The following PCSK5 variants were observed in gnomAD, a reference collection of about 807,000 sequenced individuals.
PCSK5 encodes proprotein convertase subtilisin/kexin type 5.
Under a neutral mutation model 233.2 loss-of-function variants are expected in PCSK5, and 129 were observed. The ratio of observed to expected loss-of-function variants is 0.55; its 90% CI spans 0.48 to 0.64. The LOEUF is 0.64. Ranked by LOEUF, PCSK5 falls within the 30% of genes least tolerant of loss-of-function variation. PCSK5 has a pLI of 0.00. For synonymous variants in PCSK5, 825 were observed against 879.2 expected, an observed-to-expected ratio of 0.94 and a Z score of 1.09; for missense variants, 2,076 against 2,430.1, an observed-to-expected ratio of 0.85 and a Z score of 3.06.
chr9:76,212,022 C>T (rs530621435), intron 20 of PCSK5, among the ~76,000 whole-genome samples: 5 of 152,288 alleles, frequency 3.3e-5, no homozygotes, highest in East Asian at 1.9e-4. Context: ...ATAGCAGCTA[C>T]GCTTGGGACC....
chr9:76,255,801 C>A (rs887488798), intron 24 of PCSK5, among the ~76,000 whole-genome samples: 2 of 152,120 alleles, frequency 1.3e-5, no homozygotes, highest in African/African-American at 4.8e-5. Context: ...CACCATGGCA[C>A]TCCAGCGTGG....
rs778385377 is a variant in PCSK5, at chr9:76,358,697, C to G, written c.5439C>G (p.Asn1813Lys). The G allele has an allele frequency of 6.2e-7, 1 of 1,612,880 alleles. No homozygotes were observed. The highest frequency in any genetic ancestry group is 2.2e-5 in the East Asian group (1 of 44,882). ...KAGYEKLADP[N>K]KSYSSYKSSY... ...GCTATGAAAAACTGGCCGACCCCAA[C>G]AAGTCTTACTCCTCCTATAAGAGCA... Residue 1813 changes from asparagine to lysine, a missense_variant, in exon 38 of 38, where the codon AAC becomes AAG. By Grantham distance (94) the Asn-to-Lys change is moderately conservative (BLOSUM62 0). Transcript: ENST00000674117.
intron 20 of PCSK5, among the ~76,000 whole-genome samples, chr9:76,226,706 T>C (rs1825904527): frequency 6.6e-6 from 1 of 152,192 alleles, no homozygotes; most frequent in African/African-American, 2.4e-5. Flanking sequence ...CCTGTCAATT[T>C]TTTTTAAGAC....
At chr9:76,061,868 TATCA>T (rs1372592940) in intron 5 of PCSK5, among the ~76,000 whole-genome samples, 1 of 152,260 alleles carries the variant, frequency 6.6e-6, no homozygotes, top group African/African-American at 2.4e-5. Context: ...ATCTCTTATG[TATCA>T]ATCTTTAAAA....
At chr9:76,230,162 G>C (rs1380168894) in intron 21 of PCSK5, among the ~76,000 whole-genome samples, 2 of 152,126 alleles carry the variant, frequency 1.3e-5, no homozygotes, top group Non-Finnish European at 1.5e-5. Context: ...CAATATTTTG[G>C]GGGGAGGTTG....
intron 3 of PCSK5, among the ~76,000 whole-genome samples, chr9:76,021,374 G>GT (rs939600326): frequency 3.3e-5 from 5 of 151,280 alleles, no homozygotes; most frequent in Non-Finnish European, 7.4e-5. Flanking sequence ...TGGGTTGGGG[G>GT]GTGTATTTCT....
At chr9:75,924,847 G>T in intron 1 of PCSK5, among the ~76,000 whole-genome samples, 1 of 152,124 alleles carries the variant, frequency 6.6e-6, no homozygotes, top group Non-Finnish European at 1.5e-5. Context: ...CATATGCTCT[G>T]GAATTAGGCT....
chr9:75,983,589 T>A (rs1826371595), intron 2 of PCSK5, among the ~76,000 whole-genome samples: 2 of 152,182 alleles, frequency 1.3e-5, no homozygotes, highest in Non-Finnish European at 2.9e-5. Context: ...GACTGATGAT[T>A]TCAAAGGTCC....
intron 1 of PCSK5, among the ~76,000 whole-genome samples, chr9:75,921,155 A>G (rs1268349970): frequency 3.3e-5 from 5 of 152,178 alleles, no homozygotes; most frequent in Non-Finnish European, 5.9e-5. Flanking sequence ...TGGATGAATT[A>G]GAACAGTAGT....
intron 32 of PCSK5, among the ~76,000 whole-genome samples, chr9:76,324,717 C>G (rs1358655609): frequency 1.3e-5 from 2 of 152,114 alleles, no homozygotes; most frequent in African/African-American, 4.8e-5. Context: ...TATCAAGGAA[C>G]AGAAAAATAA....
Position 76,084,774 on chromosome 9 carries a change from CAGT to C in PCSK5, c.895-11112_895-11110del, listed in dbSNP as rs529562261. Among the ~76,000 whole-genome samples, 714 of 152,166 alleles carry C rather than the reference CAGT, an allele frequency of 4.7e-3. 9 individuals are homozygous for C. The highest frequency in any genetic ancestry group is 0.017 in the African/African-American group (687 of 41,508). On this transcript the variant is annotated intron_variant, in intron 7 of 37. Coordinates refer to ENST00000674117, the MANE Select transcript of PCSK5 (RefSeq NM_001372043.1). The stretch of plus-strand genomic sequence containing the variant: ...ATCAGTTTCCTTCAATATAATACAG[CAGT>C]AGTCGGAAAAGAAAAACCACTATGT...
intron 24 of PCSK5, among the ~76,000 whole-genome samples, chr9:76,279,925 C>T (rs1320536789): frequency 6.6e-6 from 1 of 151,730 alleles, no homozygotes; most frequent in Non-Finnish European, 1.5e-5. Flanking sequence ...TAATTAGATC[C>T]CATTTGTCAA....
intron 2 of PCSK5, among the ~76,000 whole-genome samples, chr9:75,947,497 TAAAA>T (rs895034173): frequency 7.0e-6 from 1 of 143,700 alleles, no homozygotes. Context: ...CAAGAAAAAT[TAAAA>T]AAAAAAAGAA....
At chr9:75,949,103 T>TA (rs1395352796) in intron 2 of PCSK5, among the ~76,000 whole-genome samples, 1 of 150,116 alleles carries the variant, frequency 6.7e-6, no homozygotes, top group Non-Finnish European at 1.5e-5. Flanking sequence ...GGATGCTAGA[T>TA]AAAATAACAA....
intron 1 of PCSK5, among the ~76,000 whole-genome samples, chr9:75,927,130 C>T (rs1217651134): frequency 6.6e-6 from 1 of 152,092 alleles, no homozygotes; most frequent in African/African-American, 2.4e-5. Context: ...CTTGGTATTG[C>T]CTGTCTTGTT....
Position 76,015,867 on chromosome 9 carries a change from C to G in PCSK5, c.412-7871C>G, listed in dbSNP as rs574108712. ...AGCAAACCACACCTTCCTCACCTCT[C>G]CAGCCTCAACTCTTCCCATTTTTCT... is the stretch of plus-strand genomic sequence containing the variant. On this transcript the variant is annotated intron_variant, in intron 3 of 37. Transcript: ENST00000674117. Among the ~76,000 whole-genome samples, 20 of 152,302 alleles carry G rather than the reference C, an allele frequency of 1.3e-4. No homozygotes were observed. The South Asian group carries it at 2.3e-3, about 17-fold the overall frequency.
intron 20 of PCSK5, among the ~76,000 whole-genome samples, chr9:76,199,486 G>A (rs1425416516): frequency 6.6e-6 from 1 of 152,208 alleles, no homozygotes; most frequent in Non-Finnish European, 1.5e-5. Flanking sequence ...GACCTGCAGA[G>A]ATTGGAGAAT....
chr9:76,240,941 G>T (rs1480792348), intron 24 of PCSK5, among the ~76,000 whole-genome samples: 1 of 152,182 alleles, frequency 6.6e-6, no homozygotes, highest in East Asian at 1.9e-4. Flanking sequence ...TTTTCCTCTG[G>T]TTGTCAATGA....
intron 1 of PCSK5, among the ~76,000 whole-genome samples, chr9:75,901,063 G>A (rs1241973259): frequency 6.6e-6 from 1 of 152,148 alleles, no homozygotes; most frequent in Non-Finnish European, 1.5e-5. Context: ...GGAAGGGCGA[G>A]TGGCGAGTCA....
Sources: allele counts gnomAD v4.1 joint callset (sites outside exome capture counted in the v4.1 genomes callset), GRCh38; gene constraint gnomAD v4.1.1; transcripts MANE v1.5; gene names NCBI Gene and HGNC (gene_info 2026-07-23, HGNC 2026-07-21).